The following VPS39 variants were observed in gnomAD, a reference collection of about 807,000 sequenced individuals.
VPS39 encodes VPS39 subunit of HOPS complex.
In VPS39, 70 loss-of-function variants were observed where a neutral mutation model predicts 121.0. That is an observed-to-expected ratio of 0.58 (90% CI 0.48 to 0.71). The LOEUF (loss-of-function observed/expected upper bound fraction) is 0.71, where lower values mean the gene tolerates loss of function less well. Ranked by LOEUF, VPS39 falls within the 30% of genes least tolerant of loss-of-function variation. The probability of loss-of-function intolerance (pLI) is 0.00; values close to 1 mark genes in which losing one functional copy is unlikely to be tolerated. For missense variants in VPS39, 818 were observed against 1,051.5 expected (o/e 0.78, Z 3.07); for synonymous variants, 378 against 398.1 (o/e 0.95, Z 0.60).
chr15:42,192,488 C>T (rs1333866685), intron 2 of VPS39, among the ~76,000 whole-genome samples: 23 of 152,114 alleles, frequency 1.5e-4, no homozygotes, highest in Admixed American at 1.5e-3. Flanking sequence ...ACAGGATGCT[C>T]GCACTGCTGA....
Position 42,169,794 on chromosome 15 carries a change from T to C in VPS39, c.1163A>G (p.Asn388Ser). The change falls in exon 12 of 25, where the codon AAC becomes AGC. Residue 388 changes from asparagine to serine, a missense_variant. By Grantham distance (46) the Asn-to-Ser change is conservative. Coordinates refer to ENST00000318006, the MANE Select transcript of VPS39 (RefSeq NM_015289.5). Reference protein sequence around the residue: ...TDYRKQLQYPNPLPVLSGAEL... With the variant: ...TDYRKQLQYPSPLPVLSGAEL... ...AGCCCCGGAGAGCACAGGCAATGGG[T>C]TGGGATACTGCAACTGCTTTCTGTA... 1 of 1,614,102 alleles carries C rather than the reference T, an allele frequency of 6.2e-7. No homozygotes were observed. Among genetic ancestry groups the C allele is most frequent in the Non-Finnish European group, 8.5e-7 (1 of 1,180,028 alleles).
chr15:42,191,829 G>A (rs2049834099), intron 2 of VPS39, among the ~76,000 whole-genome samples: 1 of 152,192 alleles, frequency 6.6e-6, no homozygotes, highest in African/African-American at 2.4e-5. Flanking sequence ...AGGTACTCGT[G>A]AGTCTGAAGA....
At chr15:42,194,079 G>T (rs2049884808) in intron 2 of VPS39, among the ~76,000 whole-genome samples, 1 of 152,158 alleles carries the variant, frequency 6.6e-6, no homozygotes, top group Admixed American at 6.5e-5. Flanking sequence ...CTAAAAAGAT[G>T]TGTTGCCAAA....
At position 42,187,844 on chromosome 15, in the gene VPS39, C is replaced by A; in HGVS notation, c.355G>T (p.Gly119Cys). ...ACACACATCCGTAACACCTCCTCACCGGTCTCTGTGTGCTGGGAGGAGACA... is the reference window on the plus strand; with the variant it reads ...ACACACATCCGTAACACCTCCTCACAGGTCTCTGTGTGCTGGGAGGAGACA... ...FTCDLQHTET[G>C]EEVLRMCVAV... is the part of the protein sequence containing the mutation. The change falls in exon 6 of 25, where the codon GGT becomes TGT. Residue 119 changes from glycine (G) to cysteine (C), a missense_variant. Transcript: ENST00000318006. 6.2e-7 allele frequency: 1 copy of A among 1,614,102 alleles called. No individual in the cohort carries two copies. Among genetic ancestry groups the A allele is most frequent in the Non-Finnish European group, 8.5e-7 (1 of 1,179,968 alleles).
At chr15:42,189,439 T>C (rs1293524813) in intron 4 of VPS39, among the ~76,000 whole-genome samples, 1 of 152,026 alleles carries the variant, frequency 6.6e-6, no homozygotes, top group Non-Finnish European at 1.5e-5. Flanking sequence ...CCTTAAACAT[T>C]TGAGCTTGGC....
intron 2 of VPS39, among the ~76,000 whole-genome samples, chr15:42,197,704 C>T (rs1427676128): frequency 3.9e-5 from 6 of 152,124 alleles, no homozygotes; most frequent in Non-Finnish European, 5.9e-5. Flanking sequence ...CAACTGAGCT[C>T]CAGGGAAATG....
chr15:42,199,275 A>C (rs377363776), intron 2 of VPS39, among the ~76,000 whole-genome samples: 2 of 152,182 alleles, frequency 1.3e-5, no homozygotes, highest in South Asian at 2.1e-4. Flanking sequence ...CAAATACTTT[A>C]GTTATTACTC....
In VPS39 at chr15:42,176,585, C is replaced by A. The variant is rs528219941; in HGVS notation, c.960+1633G>T. Among the ~76,000 whole-genome samples the A allele has an allele frequency of 3.3e-5, 5 of 150,034 alleles. No individual in the cohort carries two copies. In the South Asian group the frequency reaches 1.0e-3, roughly 32 times the overall value. ...AAAATGAAAATAAAATAATATAGGA[C>A]AATGCATGAGTAGAAAAAAAAACAG... On this transcript the variant is annotated intron_variant, in intron 10 of 24. Coordinates refer to ENST00000318006, the MANE Select transcript of VPS39 (RefSeq NM_015289.5).
chr15:42,188,051 C>T (rs952453775), intron 5 of VPS39, among the ~76,000 whole-genome samples, 195 bp from the exon 6 acceptor site: 1 of 151,810 alleles, frequency 6.6e-6, no homozygotes, highest in Admixed American at 6.5e-5. Flanking sequence ...GGAACACTTC[C>T]TCCCGAAGGG....
chr15:42,170,312 C>T (rs1424189339), intron 11 of VPS39, among the ~76,000 whole-genome samples: 1 of 152,068 alleles, frequency 6.6e-6, no homozygotes, highest in Non-Finnish European at 1.5e-5. Context: ...GATTACAAGA[C>T]TGGGCAGCAT....
chr15:42,164,848 G>C, intron 18 of VPS39, 148 bp downstream of exon 18: 1 of 1,451,970 alleles, frequency 6.9e-7, no homozygotes, highest in South Asian at 1.5e-5. Context: ...CCAGGCTTGT[G>C]TCACTTAGCT....
chr15:42,208,063 C>T lies in VPS39; in HGVS notation c.73+18G>A, dbSNP rs758499234. 4.5e-6 allele frequency: 7 copies of T among 1,568,900 alleles called. No individual in the cohort carries two copies. In the Admixed American group the frequency reaches 7.4e-5, roughly 17 times the overall value. On this transcript the variant is annotated intron_variant, in intron 1 of 24. Coordinates refer to ENST00000318006, the MANE Select transcript of VPS39 (RefSeq NM_015289.5). ...TCCTGTGCTGACTCCGCCTCGGCCC[C>T]GCGGCCCCTCGGCTCACCCCAGGCA... is the stretch of plus-strand genomic sequence containing the variant.
rs1595668088 is a variant in VPS39, at chr15:42,185,440, C to T, written c.535-740G>A. 2.0e-5 allele frequency among the ~76,000 whole-genome samples: 3 copies of T among 152,224 alleles called. No homozygotes were observed. The East Asian group carries it at 5.8e-4, about 29-fold the overall frequency. On this transcript the variant is annotated intron_variant, in intron 7 of 24. Transcript: ENST00000318006. ...CCTCGTGATCCACCCGCCACGGCCT[C>T]CCAAAGTGCTGGGATTAAAGGTGTG... is the stretch of plus-strand genomic sequence containing the variant.
intron 1 of VPS39, among the ~76,000 whole-genome samples, chr15:42,201,189 T>G (rs779953638): frequency 4.4e-4 from 67 of 152,310 alleles, no homozygotes; most frequent in Middle Eastern, 6.8e-3. Flanking sequence ...AACTTTTATT[T>G]TTTTAAGATA....
intron 6 of VPS39, 84 bp downstream of exon 6, chr15:42,187,674 C>A (rs1009209075): frequency 5.7e-6 from 7 of 1,225,784 alleles, no homozygotes; most frequent in Non-Finnish European, 4.8e-6. Context: ...CGTAGAATGA[C>A]AAGACTGGAG....
chr15:42,178,290 G>A lies in VPS39; in HGVS notation c.888C>T (p.Ile296=). ...VASNHFVWRL[I]PVPMATQIQQ... is the part of the protein sequence containing the mutation. ...GGATTTGGGTTGCCATGGGGACAGG[G>A]ATGAGTCTCCAAACAAAATGATTGC... is the stretch of plus-strand genomic sequence containing the variant. Residue 296 remains isoleucine (I), a synonymous_variant, in exon 10 of 25, where the codon ATC becomes ATT. Coordinates refer to ENST00000318006, the MANE Select transcript of VPS39 (RefSeq NM_015289.5). The A allele has an allele frequency of 3.7e-6, 6 of 1,614,182 alleles. No homozygotes were observed. Among genetic ancestry groups the A allele is most frequent in the Non-Finnish European group, 5.1e-6 (6 of 1,180,034 alleles).
rs750950262 is a variant in VPS39, at chr15:42,167,525, A to G, written c.1246T>C (p.Leu416=). The G allele has an allele frequency of 3.1e-6, 5 of 1,613,996 alleles. No individual in the cohort carries two copies. In the South Asian group the frequency reaches 5.5e-5, roughly 18 times the overall value. The change falls in exon 13 of 25, where the codon TTG becomes CTG. Residue 416 remains leucine, a synonymous_variant. Transcript: ENST00000318006. ...TCAGAGTCATTCAGCTTCTTTACCA[A>G]TTGACTTCGTTTCTGCAAAGGTCAA... is the stretch of plus-strand genomic sequence containing the variant. The part of the protein sequence containing the change: ...IDYLTQKRSQ[L]VKKLNDSDHQ...
At chr15:42,164,072 TA>T (rs1250580574) in intron 19 of VPS39, among the ~76,000 whole-genome samples, 9 of 152,156 alleles carry the variant, frequency 5.9e-5, no homozygotes, top group Non-Finnish European at 1.2e-4. Flanking sequence ...TATGCCAGAT[TA>T]CAAAAACTGC....
chr15:42,170,333 CAT>C (rs2049323164), intron 11 of VPS39, among the ~76,000 whole-genome samples: 1 of 152,114 alleles, frequency 6.6e-6, no homozygotes, highest in South Asian at 2.1e-4. Flanking sequence ...AGTAAGAACA[CAT>C]GTCTACAAAA....
Sources: gnomAD v4.1 joint callset for allele counts (sites outside exome capture counted in the v4.1 genomes callset) on GRCh38, gnomAD v4.1.1 for gene constraint, MANE v1.5 for transcripts, NCBI Gene and HGNC (gene_info 2026-07-23, HGNC 2026-07-21) for gene names.